The following HPSE2 variants were observed in gnomAD, a reference collection of about 807,000 sequenced individuals.
HPSE2 encodes inactive heparanase-2.
A neutral mutation model predicts 60.5 loss-of-function variants in HPSE2; 38 were observed. The observed-to-expected ratio is 0.63, with a 90% CI of 0.48 to 0.82. The LOEUF (loss-of-function observed/expected upper bound fraction) is 0.82, where lower values mean the gene tolerates loss of function less well. HPSE2 is among the 40% of genes least tolerant of loss of function. HPSE2 has a pLI of 0.00. For synonymous variants in HPSE2, 295 were observed against 293.2 expected, an observed-to-expected ratio of 1.01 and a Z score of -0.06; for missense variants, 713 against 740.4, an observed-to-expected ratio of 0.96 and a Z score of 0.43.
intron 3 of HPSE2, among the ~76,000 whole-genome samples, chr10:98,896,152 C>T (rs532361893): frequency 5.3e-5 from 8 of 151,708 alleles, no homozygotes; most frequent in East Asian, 1.9e-4. Context: ...TCCCTTGCAA[C>T]GAGATACCAT....
intron 3 of HPSE2, among the ~76,000 whole-genome samples, chr10:98,831,884 A>C (rs1951691588): frequency 6.6e-6 from 1 of 152,150 alleles, no homozygotes; most frequent in South Asian, 2.1e-4. Context: ...AAATAAATAG[A>C]CTTTCAACCG....
At chr10:98,941,168 G>T (rs1954987537) in intron 3 of HPSE2, among the ~76,000 whole-genome samples, 1 of 138,942 alleles carries the variant, frequency 7.2e-6, no homozygotes, top group African/African-American at 3.0e-5. Context: ...TTAGAAAACT[G>T]GCACAAGACA....
chr10:98,855,987 G>T (rs1952304709), intron 3 of HPSE2, among the ~76,000 whole-genome samples: 1 of 152,034 alleles, frequency 6.6e-6, no homozygotes, highest in South Asian at 2.1e-4. Flanking sequence ...ATTGCAATGA[G>T]GTAACCATAG....
chr10:98,721,319 A>G (rs148879033), intron 5 of HPSE2, among the ~76,000 whole-genome samples: 1,735 of 152,258 alleles, frequency 0.011, 19 homozygotes, highest in Non-Finnish European at 0.016. Context: ...ACACTGGTAT[A>G]GAGTAATTTT....
At chr10:98,930,083 T>C (rs930951177) in intron 3 of HPSE2, among the ~76,000 whole-genome samples, 3 of 143,586 alleles carry the variant, frequency 2.1e-5, no homozygotes, top group Non-Finnish European at 3.0e-5. Flanking sequence ...TGTCGACCCA[T>C]CATCTATGTA....
intron 3 of HPSE2, among the ~76,000 whole-genome samples, chr10:99,027,831 T>C (rs903275582): frequency 6.6e-6 from 1 of 152,210 alleles, no homozygotes; most frequent in Non-Finnish European, 1.5e-5. Context: ...AATTTATCCC[T>C]GGGATGCAAG....
chr10:99,154,033 G>C (rs969688646), intron 2 of HPSE2, among the ~76,000 whole-genome samples: 1 of 151,966 alleles, frequency 6.6e-6, no homozygotes, highest in Non-Finnish European at 1.5e-5. Flanking sequence ...GAAATGAAGC[G>C]AGAAGGGAAG....
At chr10:98,661,296 T>C (rs1186202322) in intron 6 of HPSE2, among the ~76,000 whole-genome samples, 1 of 152,250 alleles carries the variant, frequency 6.6e-6, no homozygotes, top group Non-Finnish European at 1.5e-5. Flanking sequence ...AGTTTACTGG[T>C]TTCCAAATCT....
chr10:98,462,959 CTTT>C (rs56061368), intron 11 of HPSE2, among the ~76,000 whole-genome samples: 1,957 of 146,614 alleles, frequency 0.013, 40 homozygotes, highest in African/African-American at 0.042. Flanking sequence ...CTTATCTCTG[CTTT>C]TTTTTTTTTT....
intron 3 of HPSE2, among the ~76,000 whole-genome samples, chr10:98,744,491 C>T (rs1038211534): frequency 6.6e-6 from 1 of 151,974 alleles, no homozygotes; most frequent in African/African-American, 2.4e-5. Context: ...TGCACCATTG[C>T]ACTCCAGCCT....
chr10:99,295,714 G>T, the HPSE2 span, among the ~76,000 whole-genome samples: 28 of 152,238 alleles, frequency 1.8e-4, no homozygotes, highest in African/African-American at 6.7e-4. Context: ...GGCAGATAAA[G>T]ATTATGCCTT....
At chr10:98,876,499 T>C (rs1952881361) in intron 3 of HPSE2, among the ~76,000 whole-genome samples, 1 of 151,958 alleles carries the variant, frequency 6.6e-6, no homozygotes, top group Non-Finnish European at 1.5e-5. Context: ...TGTTGAATGA[T>C]GAATTAATGC....
At chr10:99,117,088 T>G (rs974618762) in intron 3 of HPSE2, among the ~76,000 whole-genome samples, 10 of 151,972 alleles carry the variant, frequency 6.6e-5, no homozygotes, top group Admixed American at 5.2e-4. Flanking sequence ...AGAGAATACC[T>G]TTTTTTGCAA....
At chr10:98,844,395 T>C (rs889001836) in intron 3 of HPSE2, among the ~76,000 whole-genome samples, 25 of 152,244 alleles carry the variant, frequency 1.6e-4, no homozygotes, top group African/African-American at 6.0e-4. Flanking sequence ...GTTTATATTA[T>C]TCATATTCTT....
intron 2 of HPSE2, among the ~76,000 whole-genome samples, chr10:99,202,526 T>C (rs1426200883): frequency 6.6e-6 from 1 of 152,206 alleles, no homozygotes; most frequent in East Asian, 1.9e-4. Flanking sequence ...TGAACTTCAG[T>C]TTCCTCATCT....
At chr10:98,671,393 A>T (rs928521737) in intron 6 of HPSE2, among the ~76,000 whole-genome samples, 1 of 151,998 alleles carries the variant, frequency 6.6e-6, no homozygotes, top group Non-Finnish European at 1.5e-5. Flanking sequence ...GAAAATTAGC[A>T]CTCTATTACC....
chr10:98,825,316 TA>T (rs1951517323), intron 3 of HPSE2, among the ~76,000 whole-genome samples: 2 of 151,358 alleles, frequency 1.3e-5, no homozygotes, highest in South Asian at 4.2e-4. Context: ...CAAAATGTGA[TA>T]AACAAAGGCT....
At chr10:98,709,880 A>T (rs771094068) in intron 5 of HPSE2, among the ~76,000 whole-genome samples, 53 of 148,528 alleles carry the variant, frequency 3.6e-4, no homozygotes, top group Non-Finnish European at 3.7e-4. Flanking sequence ...CTAAAATCTG[A>T]TTTCTGAATT....
intron 9 of HPSE2, among the ~76,000 whole-genome samples, chr10:98,577,445 T>G (rs1944672277): frequency 6.6e-6 from 1 of 152,300 alleles, no homozygotes; most frequent in South Asian, 2.1e-4. Context: ...TATTGCTCTG[T>G]GGTATTCACT....
Sources: allele counts gnomAD v4.1 joint callset (sites outside exome capture counted in the v4.1 genomes callset), GRCh38; gene constraint gnomAD v4.1.1; transcripts MANE v1.5; gene names NCBI Gene and HGNC (gene_info 2026-07-23, HGNC 2026-07-21).